The following SERPINC1 variants were observed in gnomAD, a reference collection of about 807,000 sequenced individuals.
The protein encoded by SERPINC1 is serpin family C member 1.
Under a neutral mutation model 43.4 loss-of-function variants are expected in SERPINC1, and 12 were observed. That is an observed-to-expected ratio of 0.28 (90% CI 0.18 to 0.45). The LOEUF (loss-of-function observed/expected upper bound fraction) is 0.45, where lower values mean the gene tolerates loss of function less well. Ranked by LOEUF, SERPINC1 falls within the 20% of genes least tolerant of loss-of-function variation. SERPINC1 has a pLI of 1.00. For synonymous variants in SERPINC1, 210 were observed against 218.9 expected (o/e 0.96, Z 0.36); for missense variants, 423 against 578.8 (o/e 0.73, Z 2.76).
rs139392083 is a variant in SERPINC1 at position 173,914,611 on chromosome 1, G to A, written c.350C>T (p.Thr117Met). 101 of 1,614,074 alleles carry A rather than the reference G, an allele frequency of 6.3e-5. No individual in the cohort carries two copies. The highest frequency in any genetic ancestry group is 8.1e-5 in the Non-Finnish European group (95 of 1,180,050). Residue 117 changes from threonine (T) to methionine (M), a missense_variant, in exon 2 of 7, where the codon ACG (threonine) becomes ATG (methionine). Thr to Met is a moderately conservative substitution (Grantham distance 81, BLOSUM62 -1). Transcript: ENST00000367698. ...ACCCAGCTTGGTCATAGCAAAAGCC[G>A]TGGAGATACTCAGGGGTGACAGGAA... is the stretch of plus-strand genomic sequence containing the variant. The part of the protein sequence containing the change: ...NIFLSPLSIS[T>M]AFAMTKLGAC...
intron 6 of SERPINC1, among the ~76,000 whole-genome samples, chr1:173,905,164 A>G (rs1657441136): frequency 2.0e-5 from 3 of 152,308 alleles, no homozygotes; most frequent in South Asian, 4.1e-4. Flanking sequence ...CTGAGGACTC[A>G]ATTTCCCTTG....
At chr1:173,914,447 C>T in intron 2 of SERPINC1, 106 bp downstream of exon 2, 1 of 1,258,296 alleles carries the variant, frequency 7.9e-7, no homozygotes, top group Non-Finnish European at 1.2e-6. Flanking sequence ...ATAATGAGCG[C>T]CCCTAGTGGC....
Position 173,914,656 on chromosome 1 carries a change from T to A in SERPINC1, c.305A>T (p.Lys102Met), listed in dbSNP as rs933978627. ...TTFYQHLADSKNDNDNIFLSP... is the reference protein window; with the variant it reads ...TTFYQHLADSMNDNDNIFLSP... ...CAGGAAAATGTTATCATTGTCATTC[T>A]TGGAATCTGCCAGGTGCTGATAGAA... The change falls in exon 2 of 7, where the codon AAG becomes ATG. Residue 102 changes from lysine to methionine, a missense_variant. By Grantham distance (95) the Lys-to-Met change is moderately conservative. Coordinates refer to ENST00000367698, the MANE Select transcript of SERPINC1 (RefSeq NM_000488.4). 8 of 1,614,144 alleles carry A rather than the reference T, an allele frequency of 5.0e-6. No individual in the cohort carries two copies. The highest frequency in any genetic ancestry group is 5.9e-6 in the Non-Finnish European group (7 of 1,180,058).
chr1:173,907,592 T>C, intron 5 of SERPINC1, 78 bp from the exon 6 acceptor site: 5 of 990,780 alleles, frequency 5.0e-6, no homozygotes, highest in Non-Finnish European at 8.2e-6. Context: ...TCAGTTTGGA[T>C]TAAGAGATCC....
At chr1:173,912,400 G>A (rs1657806555) in intron 2 of SERPINC1, among the ~76,000 whole-genome samples, 2 of 152,298 alleles carry the variant, frequency 1.3e-5, no homozygotes, top group South Asian at 4.1e-4. Context: ...AGCTGCTCAT[G>A]GAGGCTCTGG....
At chr1:173,910,693 A>AT in intron 4 of SERPINC1, 61 bp downstream of exon 4, 3 of 1,552,708 alleles carry the variant, frequency 1.9e-6, no homozygotes. Context: ...TTAAAAAAAA[A>AT]GGGGGTAAGC....
intron 6 of SERPINC1, 88 bp from the exon 7 acceptor site, chr1:173,904,153 C>A: frequency 3.1e-6 from 4 of 1,272,140 alleles, no homozygotes; most frequent in South Asian, 2.4e-5. Context: ...AGCAATTCCT[C>A]AAATGCTTTT....
Position 173,907,488 on chromosome 1 carries a change from G to C in SERPINC1, c.1180C>G (p.Leu394Val). The change falls in exon 6 of 7, where the codon CTC (leucine) becomes GTC (valine). Residue 394 changes from leucine (L) to valine (V), a missense_variant. Leu to Val is a conservative substitution (Grantham distance 32). Coordinates refer to ENST00000367698, the MANE Select transcript of SERPINC1 (RefSeq NM_000488.4). ...PGIVAEGRDD[L>V]YVSDAFHKAF... ...TTATGGAATGCATCTGAGACATAGAGGTCATCTCGGCCTTCTGCAACAATA... is the reference window on the plus strand; with the variant it reads ...TTATGGAATGCATCTGAGACATAGACGTCATCTCGGCCTTCTGCAACAATA... The C allele has an allele frequency of 1.2e-6, 2 of 1,613,924 alleles. No individual in the cohort carries two copies. The highest frequency in any genetic ancestry group is 1.7e-6 in the Non-Finnish European group (2 of 1,179,800).
At position 173,914,734 on chromosome 1, in the gene SERPINC1, G is replaced by C. The variant is rs948537396; in HGVS notation, c.227C>G (p.Thr76Ser). The C allele has an allele frequency of 6.2e-7, 1 of 1,614,134 alleles. No individual in the cohort carries two copies. Among genetic ancestry groups the C allele is most frequent in the East Asian group, 2.2e-5 (1 of 44,906 alleles). Residue 76 changes from threonine to serine, a missense_variant, in exon 2 of 7, where the codon ACC becomes AGC. Transcript: ENST00000367698. ...EGSEQKIPEATNRRVWELSKA... is the reference protein window; with the variant it reads ...EGSEQKIPEASNRRVWELSKA... ...GGACAGTTCCCAGACACGCCGGTTG[G>C]TGGCCTCCGGGATCTTCTGTTCTGA...
chr1:173,906,647 T>C (rs1467817797), intron 6 of SERPINC1, among the ~76,000 whole-genome samples: 1 of 152,030 alleles, frequency 6.6e-6, no homozygotes, highest in Non-Finnish European at 1.5e-5. Flanking sequence ...TTTTTTTTTT[T>C]TTTTAAGATT....
chr1:173,917,190 C>G, intron 1 of SERPINC1, 29 bp downstream of exon 1: 2 of 1,607,474 alleles, frequency 1.2e-6, no homozygotes, highest in Non-Finnish European at 1.7e-6. Flanking sequence ...CCAGTAGGGG[C>G]AGGCAAGGGG....
intron 5 of SERPINC1, among the ~76,000 whole-genome samples, chr1:173,908,464 TG>T (rs1324961998): frequency 5.3e-5 from 6 of 112,546 alleles, no homozygotes; most frequent in African/African-American, 7.5e-5. Context: ...CACTCCAGCC[TG>T]GGGGACAAGA....
At chr1:173,910,628 T>A (rs1572089346) in intron 4 of SERPINC1, 126 bp downstream of exon 4, 1 of 787,702 alleles carries the variant, frequency 1.3e-6, no homozygotes, top group East Asian at 2.7e-5. Flanking sequence ...TGCTGACCTG[T>A]ACCTGTGTAG....
At chr1:173,911,531 C>T (rs929287511) in intron 3 of SERPINC1, among the ~76,000 whole-genome samples, 1 of 152,190 alleles carries the variant, frequency 6.6e-6, no homozygotes, top group Non-Finnish European at 1.5e-5. Flanking sequence ...TCAAAACACC[C>T]TTTGGTATAT....
chr1:173,906,736 G>T (rs1657533350), intron 6 of SERPINC1, among the ~76,000 whole-genome samples: 1 of 151,700 alleles, frequency 6.6e-6, no homozygotes, highest in African/African-American at 2.4e-5. Flanking sequence ...TTCCATCTCA[G>T]CCTCCCAAGG....
chr1:173,916,412 T>A (rs1408963472), intron 1 of SERPINC1, among the ~76,000 whole-genome samples: 1 of 152,138 alleles, frequency 6.6e-6, no homozygotes, highest in East Asian at 1.9e-4. Flanking sequence ...CTTGCCTTCT[T>A]GCGTGGTCTG....
At chr1:173,917,157 G>A in intron 1 of SERPINC1, 62 bp downstream of exon 1, 1 of 1,406,990 alleles carries the variant, frequency 7.1e-7, no homozygotes, top group South Asian at 1.2e-5. Flanking sequence ...TCATTCCTGT[G>A]AGTCCTTTGG....
intron 6 of SERPINC1, among the ~76,000 whole-genome samples, chr1:173,904,835 A>AT (rs1657423864): frequency 6.6e-6 from 1 of 152,056 alleles, no homozygotes; most frequent in South Asian, 2.1e-4. Flanking sequence ...CCAGCACTAA[A>AT]TTATTAGCTT....
At chr1:173,910,681 AT>A in intron 4 of SERPINC1, 72 bp downstream of exon 4, 1 of 1,517,180 alleles carries the variant, frequency 6.6e-7, no homozygotes, top group African/African-American at 1.4e-5. Flanking sequence ...CGGTCTCGCC[AT>A]TTAAAAAAAA....
Sources: allele counts gnomAD v4.1 joint callset (sites outside exome capture counted in the v4.1 genomes callset), GRCh38; gene constraint gnomAD v4.1.1; transcripts MANE v1.5; gene names NCBI Gene and HGNC (gene_info 2026-07-23, HGNC 2026-07-21).